CDC14A: variants seen among roughly 807,000 people sequenced by gnomAD.
CDC14A encodes cell division cycle 14A.
A neutral mutation model predicts 74.4 loss-of-function variants in CDC14A; 53 were observed. That is an observed-to-expected ratio of 0.71 (90% CI 0.57 to 0.89). The LOEUF is 0.89. Among genes scored for constraint, CDC14A ranks in the 40% least tolerant of loss-of-function variants. The pLI, the probability that CDC14A is intolerant of heterozygous loss-of-function variation, is 0.00. For missense variants in CDC14A, 646 were observed against 713.7 expected (o/e 0.91, Z 1.08); for synonymous variants, 247 against 258.4 (o/e 0.96, Z 0.43).
At chr1:100,465,905 T>G (rs887887684) in intron 9 of CDC14A, among the ~76,000 whole-genome samples, 2 of 152,208 alleles carry the variant, frequency 1.3e-5, no homozygotes, top group African/African-American at 4.8e-5. Flanking sequence ...CTTTTCAACA[T>G]CTTGTCATGC....
In CDC14A at chr1:100,462,656, C is replaced by T. The variant is rs770444508; in HGVS notation, c.613C>T (p.Pro205Ser). The T allele has an allele frequency of 2.5e-6, 4 of 1,613,202 alleles. No individual in the cohort carries two copies. The Admixed American group carries it at 6.7e-5, about 27-fold the overall frequency. The change falls in exon 9 of 16, where the codon CCT becomes TCT. Residue 205 changes from proline to serine, a missense_variant. Transcript: ENST00000336454. ...HPKSKIENGY[P>S]LHAPEAYFPY... Reference sequence around the variant, plus strand: ...CTGCTCCTTTGTTCCTTTAGGTTATCCTCTTCACGCCCCTGAAGCCTACTT... The same window carrying T: ...CTGCTCCTTTGTTCCTTTAGGTTATTCTCTTCACGCCCCTGAAGCCTACTT...
intron 9 of CDC14A, among the ~76,000 whole-genome samples, chr1:100,463,833 G>C (rs759490418): frequency 1.3e-5 from 2 of 152,154 alleles, no homozygotes; most frequent in Non-Finnish European, 2.9e-5. Context: ...TCAGCGAGGA[G>C]AAATCACTAG....
intron 7 of CDC14A, among the ~76,000 whole-genome samples, chr1:100,447,003 G>A (rs1665621748): frequency 1.3e-5 from 2 of 152,154 alleles, no homozygotes; most frequent in South Asian, 4.1e-4. Context: ...CTGGCCTCCA[G>A]TGTGCAGTTT....
intron 8 of CDC14A, among the ~76,000 whole-genome samples, chr1:100,457,015 T>G (rs1666768852): frequency 6.6e-6 from 1 of 152,232 alleles, no homozygotes; most frequent in Admixed American, 6.5e-5. Flanking sequence ...ACAATTGGCC[T>G]TTCAAGATAA....
chr1:100,428,267 GAGTC>G (rs1469846121), intron 5 of CDC14A, among the ~76,000 whole-genome samples: 1 of 152,164 alleles, frequency 6.6e-6, no homozygotes, highest in Non-Finnish European at 1.5e-5. Flanking sequence ...TGTCACTTGT[GAGTC>G]AGTCTCAGGA....
intron 2 of CDC14A, among the ~76,000 whole-genome samples, 190 bp downstream of exon 2, chr1:100,354,042 C>T (rs1012221793): frequency 7.9e-5 from 12 of 152,172 alleles, no homozygotes; most frequent in African/African-American, 2.9e-4. Flanking sequence ...CCTTTCAACA[C>T]TTCAGTTCTT....
intron 7 of CDC14A, 47 bp from the exon 8 acceptor site, chr1:100,455,358 A>G (rs1349645736): frequency 1.6e-6 from 2 of 1,257,676 alleles, no homozygotes; most frequent in Non-Finnish European, 2.3e-6. Context: ...AAATTGTATA[A>G]GAATTATAAA....
At chr1:100,373,403 A>G (rs571188193) in intron 2 of CDC14A, among the ~76,000 whole-genome samples, 4 of 152,244 alleles carry the variant, frequency 2.6e-5, no homozygotes, top group Non-Finnish European at 5.9e-5. Flanking sequence ...ATCACTGACC[A>G]TCATAACAGA....
chr1:100,378,766 A>G (rs1246053012), intron 3 of CDC14A, among the ~76,000 whole-genome samples: 1 of 152,218 alleles, frequency 6.6e-6, no homozygotes, highest in Non-Finnish European at 1.5e-5. Context: ...CAACATAATA[A>G]AATCTGTTTT....
chr1:100,460,494 G>A (rs11800410), intron 8 of CDC14A, among the ~76,000 whole-genome samples: 18,528 of 152,114 alleles, frequency 0.12, 3,339 homozygotes, highest in African/African-American at 0.39. Flanking sequence ...TCACCAGCCC[G>A]CCACACCAGG....
At chr1:100,462,531 A>C (rs1287412681) in intron 8 of CDC14A, 120 bp from the exon 9 acceptor site, 1 of 758,884 alleles carries the variant, frequency 1.3e-6, no homozygotes, top group African/African-American at 1.7e-5. Context: ...TCTCTCACAC[A>C]ACACACTTTC....
chr1:100,369,706 T>C (rs1048393909), intron 2 of CDC14A, among the ~76,000 whole-genome samples: 4 of 152,224 alleles, frequency 2.6e-5, no homozygotes, highest in Non-Finnish European at 4.4e-5. Context: ...TTTATTTTGC[T>C]GTTCAGAAGC....
At chr1:100,377,711 GTC>G in intron 3 of CDC14A, 90 bp downstream of exon 3, 1 of 898,426 alleles carries the variant, frequency 1.1e-6, no homozygotes, top group Admixed American at 2.4e-5. Flanking sequence ...AAAACATTTA[GTC>G]AGGTGATCTT....
chr1:100,416,147 A>G (rs1661506182), intron 4 of CDC14A, among the ~76,000 whole-genome samples: 1 of 152,190 alleles, frequency 6.6e-6, no homozygotes, highest in Admixed American at 6.6e-5. Flanking sequence ...TTTGCCTTGC[A>G]GTGCATTTTT....
chr1:100,463,051 A>G, intron 9 of CDC14A, 170 bp downstream of exon 9: 1 of 601,502 alleles, frequency 1.7e-6, no homozygotes, highest in Non-Finnish European at 2.9e-6. Flanking sequence ...TAAAGAAACG[A>G]TTGCTTGGGT....
rs28361230 is a variant in CDC14A at position 100,440,013 on chromosome 1, C to G, written c.456+15C>G. 3.6e-4 allele frequency: 580 copies of G among 1,593,136 alleles called. 2 individuals carry two copies. The African/African-American group carries it at 5.7e-3, about 16-fold the overall frequency. ...GAATCAGAAAGGTAATAACAATTCT[C>G]CTTGCTGTAGTTGACACAGTAGTTT... is the stretch of plus-strand genomic sequence containing the variant. On this transcript the variant is annotated intron_variant, in intron 6 of 15. Coordinates refer to ENST00000336454, the MANE Select transcript of CDC14A (RefSeq NM_003672.4).
At chr1:100,434,722 TATC>T (rs1664117984) in intron 5 of CDC14A, among the ~76,000 whole-genome samples, 1 of 152,140 alleles carries the variant, frequency 6.6e-6, no homozygotes, top group African/African-American at 2.4e-5. Flanking sequence ...AAGACTGGAT[TATC>T]GTTGCAGTTG....
chr1:100,506,769 T>G (rs917991034), intron 15 of CDC14A, among the ~76,000 whole-genome samples: 2 of 152,250 alleles, frequency 1.3e-5, no homozygotes, highest in East Asian at 3.8e-4. Flanking sequence ...CTTAATTTTA[T>G]ACTTTCTTAT....
chr1:100,514,921 G>A (rs1212514532), intron 15 of CDC14A, among the ~76,000 whole-genome samples: 2 of 152,108 alleles, frequency 1.3e-5, no homozygotes, highest in African/African-American at 4.8e-5. Context: ...ACTATAAAAT[G>A]TAATTTTACT....
Sources: gnomAD v4.1 joint callset for allele counts (sites outside exome capture counted in the v4.1 genomes callset) on GRCh38, gnomAD v4.1.1 for gene constraint, MANE v1.5 for transcripts, NCBI Gene and HGNC (gene_info 2026-07-23, HGNC 2026-07-21) for gene names.